Variants in SESN1 observed in about 807,000 individuals in gnomAD.
SESN1 encodes the protein sestrin-1.
A neutral mutation model predicts 59.3 loss-of-function variants in SESN1; 30 were observed. The observed-to-expected ratio is 0.51, with a 90% CI of 0.38 to 0.69. SESN1 has a LOEUF of 0.69. Among genes scored for constraint, SESN1 ranks in the 30% least tolerant of loss-of-function variants. SESN1 has a pLI of 0.00. For missense variants in SESN1, 566 were observed against 673.0 expected (o/e 0.84, Z 1.76); for synonymous variants, 197 against 219.9 (o/e 0.90, Z 0.92).
chr6:109,009,111 T>C, intron 1 of SESN1: 1 of 739,258 alleles, frequency 1.4e-6, no homozygotes, highest in East Asian at 3.8e-5. Context: ...CAGCTTAGCA[T>C]TTTCTGCCCA....
chr6:109,028,778 C>T (rs986517193), intron 1 of SESN1, among the ~76,000 whole-genome samples: 2 of 152,118 alleles, frequency 1.3e-5, no homozygotes, highest in South Asian at 2.1e-4. Flanking sequence ...GACTGGGTCA[C>T]GAAAGCAGTG....
chr6:109,022,939 G>A (rs767927456), intron 1 of SESN1, among the ~76,000 whole-genome samples: 8 of 152,066 alleles, frequency 5.3e-5, no homozygotes, highest in Non-Finnish European at 1.2e-4. Flanking sequence ...TCCAGTGATT[G>A]TGTGCCCATC....
At chr6:109,087,849 A>T (rs757606894) in intron 1 of SESN1, among the ~76,000 whole-genome samples, 1 of 151,860 alleles carries the variant, frequency 6.6e-6, no homozygotes, top group Admixed American at 6.6e-5. Flanking sequence ...CAAGTGATAT[A>T]TTATCTAGTT....
At chr6:109,021,758 A>G (rs1054789507) in intron 1 of SESN1, among the ~76,000 whole-genome samples, 45 of 152,110 alleles carry the variant, frequency 3.0e-4, no homozygotes, top group Non-Finnish European at 1.5e-4. Context: ...CTTTATCTTC[A>G]GTTGTCACAG....
At chr6:109,061,256 AAAT>A (rs1780726220) in intron 1 of SESN1, among the ~76,000 whole-genome samples, 1 of 152,158 alleles carries the variant, frequency 6.6e-6, no homozygotes, top group African/African-American at 2.4e-5. Flanking sequence ...TATTAAACCT[AAAT>A]AATAGACAGG....
intron 1 of SESN1, among the ~76,000 whole-genome samples, chr6:109,037,914 GCTGA>G (rs112276698): frequency 0.1 from 15,197 of 152,110 alleles, 907 homozygotes; most frequent in Middle Eastern, 0.19. Context: ...AATTCTATAA[GCTGA>G]CTAATTCCAT....
intron 2 of SESN1, 98 bp from the exon 3 acceptor site, chr6:109,001,586 G>T: frequency 9.4e-7 from 1 of 1,062,622 alleles, no homozygotes; most frequent in Non-Finnish European, 1.4e-6. Flanking sequence ...TTTAGAAGCA[G>T]ATTAAATCTG....
At chr6:108,998,486 G>T in intron 5 of SESN1, 27 bp downstream of exon 5, 2 of 1,611,424 alleles carry the variant, frequency 1.2e-6, no homozygotes, top group South Asian at 2.2e-5. Context: ...TTAGTTTTAT[G>T]ACAATCTCAT....
At chr6:108,998,395 G>T in intron 5 of SESN1, 118 bp downstream of exon 5, 1 of 1,152,012 alleles carries the variant, frequency 8.7e-7, no homozygotes, top group Non-Finnish European at 1.2e-6. Flanking sequence ...AGATATAGGG[G>T]CCCAATATCT....
rs1412241953 is a variant in SESN1, at chr6:109,046,871, G to GA, written c.280-44529dup. On this transcript the variant is annotated intron_variant, in intron 1 of 9. Transcript: ENST00000436639. Reference sequence around the variant, plus strand: ...GCAACCACCCCGTATGAGAAGTGAGGAGCCCCTCCGTCCGGCAGCTGCCCC... The same window carrying GA: ...GCAACCACCCCGTATGAGAAGTGAGGAAGCCCCTCCGTCCGGCAGCTGCCCC... Among the ~76,000 whole-genome samples, 142 of 128,906 alleles carry GA rather than the reference G, an allele frequency of 1.1e-3. 9 individuals carry two copies. The Middle Eastern group carries it at 0.036, about 33-fold the overall frequency. 84.6% of individuals were successfully genotyped at this position (128,906 alleles called of 152,430 possible).
intron 1 of SESN1, among the ~76,000 whole-genome samples, chr6:109,023,028 T>C (rs1277655521): frequency 6.6e-6 from 1 of 152,190 alleles, no homozygotes; most frequent in African/African-American, 2.4e-5. Flanking sequence ...ATCTGCTCTG[T>C]ATGACTGCTC....
At chr6:109,084,734 T>C (rs1781183642) in intron 1 of SESN1, among the ~76,000 whole-genome samples, 2 of 152,162 alleles carry the variant, frequency 1.3e-5, no homozygotes, top group Admixed American at 6.5e-5. Context: ...AAGTATCTAG[T>C]TTTTCCAAGG....
At chr6:109,062,516 A>C (rs1434312716) in intron 1 of SESN1, among the ~76,000 whole-genome samples, 1 of 152,224 alleles carries the variant, frequency 6.6e-6, no homozygotes, top group Non-Finnish European at 1.5e-5. Context: ...AGTTTGGATG[A>C]TAAATTATGT....
intron 1 of SESN1, among the ~76,000 whole-genome samples, chr6:109,051,831 C>A (rs764286185): frequency 6.6e-6 from 1 of 152,204 alleles, no homozygotes; most frequent in Admixed American, 6.5e-5. Flanking sequence ...TATCTCCTTA[C>A]ATGACAGAAG....
chr6:109,006,104 C>T (rs919829560), intron 1 of SESN1, among the ~76,000 whole-genome samples: 1 of 152,126 alleles, frequency 6.6e-6, no homozygotes, highest in Admixed American at 6.5e-5. Context: ...AAAGTATGAG[C>T]TGAGCACTGT....
rs562072702 is a variant in SESN1 at position 109,023,491 on chromosome 6, G to A, written c.280-21148C>T. 4.6e-5 allele frequency among the ~76,000 whole-genome samples: 7 copies of A among 152,278 alleles called. No individual in the cohort carries two copies. In the East Asian group the frequency reaches 1.3e-3, roughly 29 times the overall value. On this transcript the variant is annotated intron_variant, in intron 1 of 9. Transcript: ENST00000436639. ...TTTTATAAATAATGTTAGTGGATGT[G>A]CCTATGTTGTGTTCAGTTTTAAGGC... is the stretch of plus-strand genomic sequence containing the variant.
chr6:109,028,189 G>T (rs986319573), intron 1 of SESN1, among the ~76,000 whole-genome samples: 1 of 152,048 alleles, frequency 6.6e-6, no homozygotes, highest in African/African-American at 2.4e-5. Flanking sequence ...TATAGCTTTA[G>T]GTTTTAATAG....
At chr6:109,009,029 G>T in intron 1 of SESN1, 1 of 985,000 alleles carries the variant, frequency 1.0e-6, no homozygotes, top group Non-Finnish European at 1.2e-6. Context: ...GACTTGTGGA[G>T]ACTTGTCCAG....
intron 1 of SESN1, among the ~76,000 whole-genome samples, chr6:109,061,622 G>A (rs917787176): frequency 9.2e-5 from 14 of 151,780 alleles, no homozygotes; most frequent in African/African-American, 3.1e-4. Flanking sequence ...TGGGCAACAT[G>A]GTGAAACCCT....
Sources: allele counts gnomAD v4.1 joint callset (sites outside exome capture counted in the v4.1 genomes callset), GRCh38; gene constraint gnomAD v4.1.1; transcripts MANE v1.5; gene names NCBI Gene and HGNC (gene_info 2026-07-23, HGNC 2026-07-21).